The following OGT variants were observed in gnomAD, a reference collection of about 807,000 sequenced individuals.
OGT encodes O-linked N-acetylglucosamine (GlcNAc) transferase, also known as UDP-N-acetylglucosamine--peptide N-acetylglucosaminyltransferase 110 kDa subunit.
Under a neutral mutation model 75.8 loss-of-function variants are expected in OGT, and 3 were observed. The observed-to-expected ratio is 0.04, with a 90% CI of 0.02 to 0.10. The LOEUF is 0.10. OGT is among the 10% of genes least tolerant of loss of function. OGT has a pLI of 1.00. For synonymous variants in OGT, 257 were observed against 289.7 expected, an observed-to-expected ratio of 0.89 and a Z score of 1.15; for missense variants, 260 against 824.4, an observed-to-expected ratio of 0.32 and a Z score of 8.38.
chrX:71,550,263 A>G (rs1246848419), intron 5 of OGT, among the ~76,000 whole-genome samples: 2 of 112,614 alleles, frequency 1.8e-5, no homozygotes, highest in Non-Finnish European at 3.7e-5. Flanking sequence ...CGTCCTTTTG[A>G]TGATAGCTAT....
At chrX:71,567,941 T>C in intron 20 of OGT, 52 bp from the exon 21 acceptor site, 2 of 1,176,233 alleles carry the variant, frequency 1.7e-6, no homozygotes, top group Non-Finnish European at 2.3e-6. Flanking sequence ...TAACATTAAC[T>C]CTGTGCTGTT....
At chrX:71,566,455 T>C (rs1188283750) in intron 19 of OGT, among the ~76,000 whole-genome samples, 3 of 111,890 alleles carry the variant, frequency 2.7e-5, no homozygotes, top group African/African-American at 6.5e-5. Flanking sequence ...AACATGTCCT[T>C]CTTCGCGTGA....
chrX:71,574,302 G>C lies in OGT; in HGVS notation c.*508G>C, dbSNP rs2040478605. ...TTTCTGAACTCTGACAGATTGACAG[G>C]GACTTTGCTGGTGTAGTCTTTTTAT... On this transcript the variant is annotated 3_prime_UTR_variant, in exon 22 of 22. Coordinates refer to ENST00000373719, the MANE Select transcript of OGT (RefSeq NM_181672.3). 8.9e-6 allele frequency: 1 copy of C among 111,922 alleles called. No homozygotes were observed. Among genetic ancestry groups the C allele is most frequent in the African/African-American group, 3.3e-5 (1 of 30,672 alleles). 9.2% of individuals were successfully genotyped at this position (111,922 alleles called of 1,213,427 possible).
chrX:71,564,726 C>T lies in OGT; in HGVS notation c.2562C>T (p.Asp854=). The T allele has an allele frequency of 8.3e-7, 1 of 1,203,199 alleles. No individual in the cohort carries two copies. The part of the protein sequence containing the change: ...YCNFNQLYKI[D]PSTLQMWANI... ...ACTTTAATCAGTTGTATAAAATTGA[C>T]CCTTCTACTTTGCAGATGTGGGCAA... Residue 854 remains aspartate (D), a synonymous_variant, in exon 19 of 22, where the codon GAC becomes GAT. Transcript: ENST00000373719.
At chrX:71,541,291 A>G in intron 3 of OGT, among the ~76,000 whole-genome samples, 1 of 111,841 alleles carries the variant, frequency 8.9e-6, no homozygotes, top group Non-Finnish European at 1.9e-5. Flanking sequence ...ATACAGCTGC[A>G]CTGTAGAAAA....
rs1403181427 is a variant in OGT at position 71,568,860 on chromosome X, A to AAC, written c.2966+745_2966+746insCA. Among the ~76,000 whole-genome samples the AAC allele has an allele frequency of 7.8e-3, 786 of 100,349 alleles. 8 individuals carry two copies. Among genetic ancestry groups the AAC allele is most frequent in the African/African-American group, 0.027 (751 of 27,616 alleles). 87.1% of individuals were successfully genotyped at this position (100,349 alleles called of 115,157 possible). A position where few individuals can be genotyped will look rare whatever the true frequency, so the allele number is the denominator to read the frequency against. On this transcript the variant is annotated intron_variant, in intron 21 of 21. Transcript: ENST00000373719. Reference sequence around the variant, plus strand: ...AAAACAAAAACAAAAACAAACAAACAAAAAAAAAACCAAACAAACAAAAAA... The same window carrying AAC: ...AAAACAAAAACAAAAACAAACAAACAACAAAAAAAAACCAAACAAACAAAAAA...
In OGT at chrX:71,575,055, T is replaced by C. The variant is rs1056012724; in HGVS notation, c.*1261T>C. On this transcript the variant is annotated 3_prime_UTR_variant, in exon 22 of 22. Coordinates refer to ENST00000373719, the MANE Select transcript of OGT (RefSeq NM_181672.3). ...TGGTTTGGAGTACAAATTAGACTTA[T>C]AGTCCTCCTGGAACTTGAGTTATTA... The C allele has an allele frequency of 1.8e-5, 2 of 111,841 alleles. No homozygotes were observed. The highest frequency in any genetic ancestry group is 3.3e-5 in the African/African-American group (1 of 30,762). The allele number at this position is 111,841 out of a possible 1,213,427, so 9.2% of individuals were successfully genotyped here.
At chrX:71,547,516 C>T in intron 4 of OGT, 6 of 780,737 alleles carry the variant, frequency 7.7e-6, no homozygotes, top group Non-Finnish European at 9.1e-6. Context: ...TAGGAAAACT[C>T]GGCCTCAAGT....
At chrX:71,544,744 C>A in intron 4 of OGT, 109 bp downstream of exon 4, 1 of 613,592 alleles carries the variant, frequency 1.6e-6, no homozygotes, top group Non-Finnish European at 2.6e-6. Flanking sequence ...TCCTTTGAAA[C>A]TGAGGAAAAC....
At chrX:71,543,249 T>TTTC (rs1491132406) in intron 3 of OGT, among the ~76,000 whole-genome samples, 11 of 111,922 alleles carry the variant, frequency 9.8e-5, no homozygotes, top group African/African-American at 3.3e-4. Context: ...CTTAAGTCTC[T>TTTC]TTCACCCATG....
At chrX:71,555,134 TTGTGTGTGTGTGTGTGTG>T (rs376605851) in intron 6 of OGT, 38 bp from the exon 7 acceptor site, 31 of 533,783 alleles carry the variant, frequency 5.8e-5, no homozygotes, top group Non-Finnish European at 7.9e-5. Context: ...GAGTTACATT[TTGTGTGTGTGTGTGTGTG>T]TGTGTGTGTG....
At chrX:71,535,029 A>C (rs1159467671) in intron 1 of OGT, among the ~76,000 whole-genome samples, 1 of 111,214 alleles carries the variant, frequency 9.0e-6, no homozygotes, top group Non-Finnish European at 1.9e-5. Flanking sequence ...TAACCTTGGT[A>C]GAATTAAATA....
intron 1 of OGT, among the ~76,000 whole-genome samples, chrX:71,533,881 C>T (rs2040154036): frequency 9.0e-6 from 1 of 111,584 alleles, no homozygotes; most frequent in African/African-American, 3.3e-5. Context: ...GTCGATGGTG[C>T]CACAAGTCAC....
At chrX:71,549,352 G>A (rs1251697667) in intron 5 of OGT, among the ~76,000 whole-genome samples, 1 of 104,565 alleles carries the variant, frequency 9.6e-6, no homozygotes, top group Non-Finnish European at 2.0e-5. Flanking sequence ...TTCACTAAGT[G>A]TTACAGATGC....
chrX:71,536,504 T>A, intron 2 of OGT, 146 bp downstream of exon 2: 1 of 409,374 alleles, frequency 2.4e-6, no homozygotes, highest in Non-Finnish European at 4.0e-6. Flanking sequence ...TGCCCACTTG[T>A]GACATGCCCA....
At position 71,538,128 on chromosome X, in the gene OGT, G is replaced by A; in HGVS notation, c.462+56G>A. ...TCCTAGAAACCCAGAAAGAAACATA[G>A]TGTGATATTTCAGACACTAAAGTAG... On this transcript the variant is annotated intron_variant, in intron 3 of 21. Transcript: ENST00000373719. 6.0e-6 allele frequency: 7 copies of A among 1,157,682 alleles called. No individual in the cohort carries two copies. In the South Asian group the frequency reaches 1.1e-4, roughly 19 times the overall value.
intron 14 of OGT, 130 bp from the exon 15 acceptor site, chrX:71,561,645 T>TA (rs1488960041): frequency 2.4e-5 from 12 of 499,660 alleles, no homozygotes; most frequent in Admixed American, 2.0e-4. Context: ...TTTGTGTTCT[T>TA]ACCTCTTTTC....
intron 3 of OGT, among the ~76,000 whole-genome samples, chrX:71,540,290 G>T (rs2040208411): frequency 8.9e-6 from 1 of 112,381 alleles, no homozygotes; most frequent in Non-Finnish European, 1.9e-5. Context: ...AATGCCCGTT[G>T]TCAGTTCAGT....
intron 14 of OGT, among the ~76,000 whole-genome samples, chrX:71,560,668 G>A (rs918348076): frequency 8.9e-6 from 1 of 111,854 alleles, no homozygotes; most frequent in African/African-American, 3.3e-5. Context: ...TTAATAAATA[G>A]TATGTACTAA....
Sources: allele counts gnomAD v4.1 joint callset (sites outside exome capture counted in the v4.1 genomes callset), GRCh38; gene constraint gnomAD v4.1.1; transcripts MANE v1.5; gene names NCBI Gene and HGNC (gene_info 2026-07-23, HGNC 2026-07-21).